Variants in HMGA2 observed in about 807,000 individuals in gnomAD.
HMGA2 encodes the protein high mobility group protein HMGI-C.
In HMGA2, 8 loss-of-function variants were observed where a neutral mutation model predicts 19.1. The ratio of observed to expected loss-of-function variants is 0.42; its 90% CI spans 0.25 to 0.76. The LOEUF is 0.76. Ranked by LOEUF, HMGA2 falls within the 30% of genes least tolerant of loss-of-function variation. The pLI is 0.28. For synonymous variants in HMGA2, 60 were observed against 48.8 expected, an observed-to-expected ratio of 1.23 and a Z score of -0.96; for missense variants, 109 against 136.3, an observed-to-expected ratio of 0.80 and a Z score of 1.00.
chr12:65,873,217 A>G (rs1427861950), intron 3 of HMGA2, among the ~76,000 whole-genome samples: 1 of 152,216 alleles, frequency 6.6e-6, no homozygotes, highest in Non-Finnish European at 1.5e-5. Flanking sequence ...TATTTTCAAT[A>G]CAGAGCATAG....
intron 3 of HMGA2, among the ~76,000 whole-genome samples, chr12:65,906,143 G>A (rs1874582175): frequency 2.0e-5 from 3 of 152,192 alleles, no homozygotes; most frequent in Admixed American, 2.0e-4. Context: ...AAGAGTCTTT[G>A]AAGTCCTAAT....
chr12:65,828,475 A>G (rs1870329064), intron 2 of HMGA2: 1 of 223,228 alleles, frequency 4.5e-6, no homozygotes, highest in Non-Finnish European at 9.0e-6. Context: ...AAGTTTTTGC[A>G]ATTTCCTCTG....
At chr12:65,926,181 G>T (rs1420257925) in intron 3 of HMGA2, among the ~76,000 whole-genome samples, 5 of 152,180 alleles carry the variant, frequency 3.3e-5, no homozygotes, top group Non-Finnish European at 5.9e-5. Context: ...TTTTTGAAAA[G>T]TGTTAACTCC....
intron 3 of HMGA2, among the ~76,000 whole-genome samples, chr12:65,899,354 T>C (rs758001327): frequency 6.6e-6 from 1 of 152,240 alleles, no homozygotes; most frequent in Non-Finnish European, 1.5e-5. Flanking sequence ...AACTTTTTTC[T>C]CCCATAATGA....
chr12:65,910,864 G>C (rs111238988), intron 3 of HMGA2, among the ~76,000 whole-genome samples: 1 of 152,168 alleles, frequency 6.6e-6, no homozygotes, highest in South Asian at 2.1e-4. Context: ...TGAATTCAAA[G>C]GCGCAAATTC....
intron 4 of HMGA2, chr12:65,951,686 G>A (rs1876465680): frequency 6.3e-6 from 2 of 318,428 alleles, no homozygotes; most frequent in Non-Finnish European, 5.7e-6. Flanking sequence ...TGCCTCATAT[G>A]TAAAACAAAT....
intron 3 of HMGA2, among the ~76,000 whole-genome samples, chr12:65,889,882 C>T (rs1005134377): frequency 6.6e-6 from 1 of 152,144 alleles, no homozygotes; most frequent in East Asian, 1.9e-4. Context: ...GTTTTGCTTC[C>T]TATTTCTCCC....
At chr12:65,931,633 G>A (rs1875718885) in intron 3 of HMGA2, among the ~76,000 whole-genome samples, 2 of 149,978 alleles carry the variant, frequency 1.3e-5, no homozygotes, top group South Asian at 2.2e-4. Flanking sequence ...AAATGTACAC[G>A]GTATTTTTAG....
chr12:65,879,547 A>G lies in HMGA2; in HGVS notation c.249+40978A>G, dbSNP rs563335089. Among the ~76,000 whole-genome samples, 81 of 152,360 alleles carry G rather than the reference A, an allele frequency of 5.3e-4. 1 individual carries two copies. In the South Asian group the frequency reaches 0.012, roughly 23 times the overall value. On this transcript the variant is annotated intron_variant, in intron 3 of 4. Coordinates refer to ENST00000403681, the MANE Select transcript of HMGA2 (RefSeq NM_003483.6). ...CAGAAAAAAGAGAACAAGAGTATGT[A>G]CCAAGTAAGCAAAAGTGTGTTATGA... is the stretch of plus-strand genomic sequence containing the variant.
chr12:65,881,697 C>T, intron 3 of HMGA2: 1 of 700,326 alleles, frequency 1.4e-6, no homozygotes, highest in Non-Finnish European at 2.6e-6. Context: ...AGAGAAATTG[C>T]TGAAGGAGAG....
intron 3 of HMGA2, among the ~76,000 whole-genome samples, chr12:65,932,528 G>GA (rs1875751668): frequency 3.3e-5 from 5 of 152,086 alleles, no homozygotes; most frequent in Admixed American, 2.6e-4. Flanking sequence ...TTGAATAAAT[G>GA]AAAAAAATAA....
chr12:65,935,743 G>A (rs751014083), intron 3 of HMGA2, among the ~76,000 whole-genome samples: 7 of 152,092 alleles, frequency 4.6e-5, no homozygotes, highest in Non-Finnish European at 8.8e-5. Flanking sequence ...AGAAAAAGAA[G>A]CTTTTTTTTT....
intron 3 of HMGA2, among the ~76,000 whole-genome samples, chr12:65,852,521 TAATTAA>T (rs1386469630): frequency 6.6e-6 from 1 of 152,014 alleles, no homozygotes; most frequent in African/African-American, 2.4e-5. Flanking sequence ...ATAATAATAA[TAATTAA>T]AATTTCATAT....
chr12:65,961,928 A>G (rs2121331180), intron 4 of HMGA2, among the ~76,000 whole-genome samples: 1 of 152,326 alleles, frequency 6.6e-6, no homozygotes, highest in Non-Finnish European at 1.5e-5. Context: ...CATATAATGC[A>G]GACAAGCTTT....
At chr12:65,864,116 G>A (rs1261794199) in intron 3 of HMGA2, among the ~76,000 whole-genome samples, 2 of 152,114 alleles carry the variant, frequency 1.3e-5, no homozygotes, top group Non-Finnish European at 1.5e-5. Flanking sequence ...TTGTTGATGA[G>A]CACTACAAAT....
chr12:65,931,857 C>A (rs1374476630), intron 3 of HMGA2, among the ~76,000 whole-genome samples: 2 of 152,098 alleles, frequency 1.3e-5, no homozygotes, highest in Non-Finnish European at 2.9e-5. Context: ...AGGCTACAGG[C>A]AGCTCTATGA....
At chr12:65,953,182 A>G (rs934201926) in intron 4 of HMGA2, 2 of 152,056 alleles carry the variant, frequency 1.3e-5, no homozygotes, top group African/African-American at 4.8e-5. Context: ...GATCCATCAT[A>G]TTTTTTATGA....
intron 2 of HMGA2, among the ~76,000 whole-genome samples, chr12:65,830,089 C>G (rs1870412253): frequency 6.6e-6 from 1 of 151,854 alleles, no homozygotes; most frequent in Non-Finnish European, 1.5e-5. Flanking sequence ...ATAAAAATCC[C>G]TCTTGTAATA....
chr12:65,871,493 T>C (rs1044796514), intron 3 of HMGA2, among the ~76,000 whole-genome samples: 1 of 152,262 alleles, frequency 6.6e-6, no homozygotes, highest in Non-Finnish European at 1.5e-5. Context: ...AGTTCATTAG[T>C]AGAAGCAAGA....
Sources: gnomAD v4.1 joint callset for allele counts (sites outside exome capture counted in the v4.1 genomes callset) on GRCh38, gnomAD v4.1.1 for gene constraint, MANE v1.5 for transcripts, NCBI Gene and HGNC (gene_info 2026-07-23, HGNC 2026-07-21) for gene names.